The following LIPM variants were observed in gnomAD, a reference collection of about 807,000 sequenced individuals.
The protein encoded by LIPM is lipase member M.
In LIPM, 42 loss-of-function variants were observed where a neutral mutation model predicts 42.4. The ratio of observed to expected loss-of-function variants is 0.99; its 90% CI spans 0.77 to 1.28. LIPM has a LOEUF of 1.28. Ranked by LOEUF, LIPM falls within the 50% of genes most tolerant of loss-of-function variation. LIPM has a pLI of 0.00. For synonymous variants in LIPM, 177 were observed against 173.3 expected (o/e 1.02, Z -0.17); for missense variants, 524 against 520.1 (o/e 1.01, Z -0.07).
chr10:88,817,019 G>T (rs1368883582), intron 7 of LIPM, 132 bp downstream of exon 7: 3 of 707,618 alleles, frequency 4.2e-6, no homozygotes, highest in Admixed American at 4.5e-5. Context: ...TATCGTCGAT[G>T]CTATTTTGAT....
At chr10:88,810,861 G>C (rs1435630128) in intron 2 of LIPM, among the ~76,000 whole-genome samples, 1 of 152,170 alleles carries the variant, frequency 6.6e-6, no homozygotes, top group East Asian at 1.9e-4. Flanking sequence ...GAAATGCCCG[G>C]ACTCTCAAGG....
chr10:88,819,908 A>C (rs1421804665), intron 8 of LIPM, among the ~76,000 whole-genome samples: 1 of 152,252 alleles, frequency 6.6e-6, no homozygotes, highest in African/African-American at 2.4e-5. Flanking sequence ...ATTTTTAAAA[A>C]CAATTTATTT....
At chr10:88,814,761 T>C (rs1335680781) in intron 4 of LIPM, 122 bp downstream of exon 4, 2 of 741,634 alleles carry the variant, frequency 2.7e-6, no homozygotes, top group Non-Finnish European at 4.6e-6. Context: ...TTCAGAATCA[T>C]GTAGTCCCCA....
Position 88,802,877 on chromosome 10 carries a change from A to G in LIPM, c.-20A>G. ...TTAGTTGTTACATTGGCAGGAAAAA[A>G]TAAATGCAGATGTTGGACCATGTTG... On this transcript the variant is annotated 5_prime_UTR_variant, in exon 1 of 9. Coordinates refer to ENST00000404743, the MANE Select transcript of LIPM (RefSeq NM_001128215.1). The G allele has an allele frequency of 6.6e-7, 1 of 1,521,906 alleles. No individual in the cohort carries two copies. Among genetic ancestry groups the G allele is most frequent in the South Asian group, 1.3e-5 (1 of 78,864 alleles). The allele number at this position is 1,521,906 out of a possible 1,614,324, so 94.3% of individuals were successfully genotyped here.
chr10:88,815,829 C>T (rs1403260442), intron 6 of LIPM, among the ~76,000 whole-genome samples: 1 of 152,220 alleles, frequency 6.6e-6, no homozygotes, highest in African/African-American at 2.4e-5. Context: ...TCCACCTCTA[C>T]CCTGCACTGG....
intron 6 of LIPM, 53 bp downstream of exon 6, chr10:88,815,556 T>C (rs1843709388): frequency 2.0e-6 from 3 of 1,503,256 alleles, no homozygotes; most frequent in Non-Finnish European, 1.8e-6. Flanking sequence ...CTGGGAGTCA[T>C]ATGGCTCACC....
At chr10:88,818,720 A>G (rs943528031) in intron 8 of LIPM, among the ~76,000 whole-genome samples, 1 of 152,188 alleles carries the variant, frequency 6.6e-6, no homozygotes, top group Non-Finnish European at 1.5e-5. Context: ...ATCCGCTGCC[A>G]TATGTCTATC....
chr10:88,816,201 A>G (rs1843716843), intron 6 of LIPM, among the ~76,000 whole-genome samples: 1 of 152,180 alleles, frequency 6.6e-6, no homozygotes, highest in Non-Finnish European at 1.5e-5. Context: ...GTAACAGGGT[A>G]GCACTGGGCA....
chr10:88,815,404 A>G lies in LIPM; in HGVS notation c.759A>G (p.Arg253=). The G allele has an allele frequency of 2.6e-6, 4 of 1,551,644 alleles. No individual in the cohort carries two copies. Among genetic ancestry groups the G allele is most frequent in the Non-Finnish European group, 3.5e-6 (4 of 1,146,950 alleles). Residue 253 remains arginine, a synonymous_variant, in exon 6 of 9, where the codon AGA becomes AGG. Transcript: ENST00000404743. ...TTCTGTATCAGACCAGATTTCTCAG[A>G]CAACTTGTTATTTACCTTTGTGGCC... ...KEFLYQTRFL[R]QLVIYLCGQV...
In LIPM at chr10:88,813,160, A is replaced by C; in HGVS notation, c.329A>C (p.Asn110Thr). The change falls in exon 3 of 9, where the codon AAC becomes ACC. Residue 110 changes from asparagine (N) to threonine (T), a missense_variant. Coordinates refer to ENST00000404743, the MANE Select transcript of LIPM (RefSeq NM_001128215.1). ...GGAGGTGCTAGCAACTGGATTTCCAACCTGCCCAACAATAGCCTGGGCTTC... is the reference window on the plus strand; with the variant it reads ...GGAGGTGCTAGCAACTGGATTTCCACCCTGCCCAACAATAGCCTGGGCTTC... ...LVGGASNWIS[N>T]LPNNSLGFIL... is the part of the protein sequence containing the mutation. The C allele has an allele frequency of 6.2e-7, 1 of 1,612,822 alleles. No homozygotes were observed. Among genetic ancestry groups the C allele is most frequent in the Non-Finnish European group, 8.5e-7 (1 of 1,179,306 alleles).
At chr10:88,818,369 A>C (rs889277545) in intron 8 of LIPM, among the ~76,000 whole-genome samples, 2 of 152,226 alleles carry the variant, frequency 1.3e-5, no homozygotes, top group Admixed American at 6.5e-5. Flanking sequence ...TTCAGGCTTC[A>C]ATTTCTTTAC....
At position 88,817,846 on chromosome 10, in the gene LIPM, C is replaced by T. The variant is rs761226662; in HGVS notation, c.952C>T (p.Arg318Trp). Residue 318 changes from arginine (R) to tryptophan (W), a missense_variant, in exon 8 of 9, where the codon CGG becomes TGG. Transcript: ENST00000404743. ...TTAGGCAGTGAATTCTGGTGAACTC[C>T]GGGCATTTGACTGGGGGAGTGAGAC... The part of the protein sequence containing the change: ...WSQAVNSGEL[R>W]AFDWGSETKN... The T allele has an allele frequency of 1.0e-4, 161 of 1,551,128 alleles. No homozygotes were observed. Among genetic ancestry groups the T allele is most frequent in the Middle Eastern group, 3.3e-4 (2 of 6,014 alleles).
At position 88,808,419 on chromosome 10, in the gene LIPM, T is replaced by C. The variant is rs1355339836; in HGVS notation, c.265+4T>C. On this transcript the variant is annotated splice_donor_region_variant and intron_variant, in intron 2 of 8. Coordinates refer to ENST00000404743, the MANE Select transcript of LIPM (RefSeq NM_001128215.1). The stretch of plus-strand genomic sequence containing the variant: ...CTAGTGCAACCTAAGAAGACAGGTG[T>C]GGGTCACCCCATGTCACCGCAACAC... 2.0e-6 allele frequency: 3 copies of C among 1,507,026 alleles called. No individual in the cohort carries two copies. In the Admixed American group the frequency reaches 5.9e-5, roughly 30 times the overall value. The allele number at this position is 1,507,026 out of a possible 1,614,324, so 93.4% of individuals were successfully genotyped here. A position where few individuals can be genotyped will look rare whatever the true frequency, so the allele number is the denominator to read the frequency against.
intron 6 of LIPM, among the ~76,000 whole-genome samples, chr10:88,815,839 G>C (rs995837230): frequency 6.6e-6 from 1 of 152,142 alleles, no homozygotes. Flanking sequence ...CCCTGCACTG[G>C]GGTCCTGTAG....
chr10:88,812,817 AAGAAC>A (rs1168524985), intron 2 of LIPM, among the ~76,000 whole-genome samples: 2 of 152,256 alleles, frequency 1.3e-5, no homozygotes, highest in Non-Finnish European at 2.9e-5. Flanking sequence ...ACACAAAACA[AAGAAC>A]AGAAGTTAAA....
chr10:88,817,434 C>T (rs568491408), intron 7 of LIPM, among the ~76,000 whole-genome samples: 3 of 152,040 alleles, frequency 2.0e-5, no homozygotes, highest in Non-Finnish European at 4.4e-5. Flanking sequence ...GCAATTGTAC[C>T]ATCAAAACCA....
Position 88,803,044 on chromosome 10 carries a change from G to A in LIPM, c.147+1G>A. On this transcript the variant is annotated splice_donor_variant, in intron 1 of 8. Transcript: ENST00000404743. LOFTEE classifies it high-confidence loss of function. ...GGACCCAGAAGCATTCATGAATATTGTAAGTTGGGATTTCTGGGAAATGAG... is the reference window on the plus strand; with the variant it reads ...GGACCCAGAAGCATTCATGAATATTATAAGTTGGGATTTCTGGGAAATGAG... The A allele has an allele frequency of 6.5e-7, 1 of 1,549,894 alleles. No individual in the cohort carries two copies. The highest frequency in any genetic ancestry group is 8.7e-7 in the Non-Finnish European group (1 of 1,146,298).
At chr10:88,808,513 A>C (rs1434953339) in intron 2 of LIPM, 98 bp downstream of exon 2, 2 of 705,868 alleles carry the variant, frequency 2.8e-6, no homozygotes, top group Admixed American at 4.3e-5. Flanking sequence ...TTCTTAGTGC[A>C]GAGTGAGGTC....
chr10:88,820,537 G>A lies in LIPM; in HGVS notation c.*36G>A, dbSNP rs1017626926. On this transcript the variant is annotated 3_prime_UTR_variant, in exon 9 of 9. Coordinates refer to ENST00000404743, the MANE Select transcript of LIPM (RefSeq NM_001128215.1). ...ACTGACGATCTTAGGACAACCTCCT[G>A]AGGGATGGGGCTAGGACCCATGAAG... 5.9e-6 allele frequency: 9 copies of A among 1,533,652 alleles called. No homozygotes were observed. In the African/African-American group the frequency reaches 1.1e-4, roughly 19 times the overall value.
Sources: gnomAD v4.1 joint callset for allele counts (sites outside exome capture counted in the v4.1 genomes callset) on GRCh38, gnomAD v4.1.1 for gene constraint, MANE v1.5 for transcripts, NCBI Gene and HGNC (gene_info 2026-07-23, HGNC 2026-07-21) for gene names.